NYAP2: variants seen among roughly 807,000 people sequenced by gnomAD.
The protein encoded by NYAP2 is neuronal tyrosine-phosphorylated phosphoinositide-3-kinase adapter 2.
Under a neutral mutation model 50.4 loss-of-function variants are expected in NYAP2, and 23 were observed. The ratio of observed to expected loss-of-function variants is 0.46; its 90% CI spans 0.33 to 0.65. NYAP2 has a LOEUF of 0.65. Ranked by LOEUF, NYAP2 falls within the 30% of genes least tolerant of loss-of-function variation. The pLI, the probability that NYAP2 is intolerant of heterozygous loss-of-function variation, is 0.02. For synonymous variants in NYAP2, 394 were observed against 365.2 expected, an observed-to-expected ratio of 1.08 and a Z score of -0.90; for missense variants, 885 against 861.0, an observed-to-expected ratio of 1.03 and a Z score of -0.35.
chr2:225,627,631 T>C (rs905033156), intron 6 of NYAP2, among the ~76,000 whole-genome samples: 1 of 152,198 alleles, frequency 6.6e-6, no homozygotes, highest in African/African-American at 2.4e-5. Flanking sequence ...AACTGGGCAT[T>C]GGGAATGGCA....
chr2:225,556,503 A>G (rs550349721), intron 4 of NYAP2, among the ~76,000 whole-genome samples: 1 of 152,156 alleles, frequency 6.6e-6, no homozygotes, highest in Non-Finnish European at 1.5e-5. Flanking sequence ...GACTTCTTCA[A>G]TGTTATGGCT....
chr2:225,412,065 C>T (rs374126155), intron 3 of NYAP2, among the ~76,000 whole-genome samples: 34 of 150,086 alleles, frequency 2.3e-4, no homozygotes, highest in African/African-American at 7.8e-4. Context: ...CAGGTTCAAG[C>T]GATTCTCCTG....
At chr2:225,651,656 G>A (rs1559241119) in exon 7 of NYAP2, 14 of 1,426,346 alleles carry the variant, frequency 9.8e-6, no homozygotes, top group Admixed American at 3.7e-5. Flanking sequence ...TTTTCTATGT[G>A]TGTATGGGTT....
intron 5 of NYAP2, among the ~76,000 whole-genome samples, chr2:225,610,151 T>G (rs974298534): frequency 6.6e-6 from 1 of 152,162 alleles, no homozygotes; most frequent in African/African-American, 2.4e-5. Context: ...GTACGGTTGG[T>G]ATGTTGGTCT....
At chr2:225,490,278 C>A (rs1690381902) in intron 3 of NYAP2, among the ~76,000 whole-genome samples, 1 of 152,184 alleles carries the variant, frequency 6.6e-6, no homozygotes, top group Non-Finnish European at 1.5e-5. Flanking sequence ...TACCATTCCA[C>A]ATGCAATATT....
intron 5 of NYAP2, among the ~76,000 whole-genome samples, chr2:225,609,921 T>C (rs1692850131): frequency 6.6e-6 from 1 of 152,140 alleles, no homozygotes; most frequent in South Asian, 2.1e-4. Flanking sequence ...TAAATTCAGA[T>C]AAATTGGGAA....
At chr2:225,617,670 C>A (rs1024130520) in intron 5 of NYAP2, among the ~76,000 whole-genome samples, 12 of 151,942 alleles carry the variant, frequency 7.9e-5, no homozygotes, top group African/African-American at 2.7e-4. Context: ...TTTTTATGGC[C>A]TATTAATAAC....
intron 4 of NYAP2, among the ~76,000 whole-genome samples, chr2:225,571,580 C>T (rs1226757146): frequency 6.6e-6 from 1 of 152,212 alleles, no homozygotes; most frequent in Non-Finnish European, 1.5e-5. Context: ...CCCTTTTAGC[C>T]ATGGCTGGAG....
chr2:225,538,036 A>G (rs542068341), intron 4 of NYAP2, among the ~76,000 whole-genome samples: 4 of 152,330 alleles, frequency 2.6e-5, no homozygotes, highest in Non-Finnish European at 5.9e-5. Context: ...GGTAACACTG[A>G]TGCAAGAGGT....
chr2:225,511,212 T>A (rs1690807284), intron 3 of NYAP2, among the ~76,000 whole-genome samples: 1 of 152,038 alleles, frequency 6.6e-6, no homozygotes, highest in Non-Finnish European at 1.5e-5. Flanking sequence ...CAGACCTTCC[T>A]ATACCAAGAC....
chr2:225,485,213 C>G (rs775541116), intron 3 of NYAP2, among the ~76,000 whole-genome samples: 21 of 152,192 alleles, frequency 1.4e-4, no homozygotes, highest in Non-Finnish European at 3.1e-4. Flanking sequence ...TTCCCCTGCA[C>G]AAGCTCTTTT....
chr2:225,434,264 A>C (rs1313608054), intron 3 of NYAP2, among the ~76,000 whole-genome samples: 1 of 152,128 alleles, frequency 6.6e-6, no homozygotes, highest in Non-Finnish European at 1.5e-5. Flanking sequence ...GCAGCATCCT[A>C]GGGGGCTTCA....
intron 3 of NYAP2, among the ~76,000 whole-genome samples, chr2:225,430,500 G>A (rs1695350028): frequency 6.6e-6 from 1 of 152,128 alleles, no homozygotes. Context: ...CTTCTGTTAT[G>A]GTGGATGATA....
intron 2 of NYAP2, among the ~76,000 whole-genome samples, chr2:225,404,330 GT>G (rs1024981091): frequency 1.3e-5 from 2 of 151,796 alleles, no homozygotes; most frequent in African/African-American, 2.4e-5. Context: ...AAAACGAGTT[GT>G]TTTTTAAATG....
At chr2:225,650,077 A>G (rs1178893799) in intron 6 of NYAP2, among the ~76,000 whole-genome samples, 1 of 152,170 alleles carries the variant, frequency 6.6e-6, no homozygotes, top group Admixed American at 6.5e-5. Flanking sequence ...CTGAGAGAGG[A>G]AAGGTGCATA....
the NYAP2 span, chr2:225,703,161 C>A: frequency 1.3e-5 from 2 of 151,658 alleles, no homozygotes; most frequent in African/African-American, 2.4e-5. Context: ...CTTGCTCTTT[C>A]AGACAATTGA....
intron 3 of NYAP2, among the ~76,000 whole-genome samples, chr2:225,440,582 G>A (rs1009237126): frequency 2.0e-5 from 3 of 152,140 alleles, no homozygotes; most frequent in East Asian, 1.9e-4. Context: ...AGAGGGCAGA[G>A]TAAAAAGACT....
chr2:225,431,075 A>G (rs1188867710), intron 3 of NYAP2, among the ~76,000 whole-genome samples: 1 of 152,258 alleles, frequency 6.6e-6, no homozygotes, highest in African/African-American at 2.4e-5. Flanking sequence ...GGTTTGACTT[A>G]CATTAAACAT....
At chr2:225,598,300 A>G (rs1322812210) in intron 5 of NYAP2, among the ~76,000 whole-genome samples, 1 of 152,076 alleles carries the variant, frequency 6.6e-6, no homozygotes, top group Non-Finnish European at 1.5e-5. Flanking sequence ...TATTTTTCAA[A>G]TGTAATTTTT....
Sources: gnomAD v4.1 joint callset for allele counts (sites outside exome capture counted in the v4.1 genomes callset) on GRCh38, gnomAD v4.1.1 for gene constraint, MANE v1.5 for transcripts, NCBI Gene and HGNC (gene_info 2026-07-23, HGNC 2026-07-21) for gene names.